The following SORCS1 variants were observed in gnomAD, a reference collection of about 807,000 sequenced individuals.
The protein encoded by SORCS1 is sortilin related VPS10 domain containing receptor 1, also known as VPS10 domain-containing receptor SorCS1.
A neutral mutation model predicts 146.1 loss-of-function variants in SORCS1; 60 were observed. The observed-to-expected ratio is 0.41, with a 90% CI of 0.33 to 0.51. The LOEUF (loss-of-function observed/expected upper bound fraction) is 0.51, where lower values mean the gene tolerates loss of function less well. Among genes scored for constraint, SORCS1 ranks in the 20% least tolerant of loss-of-function variants. SORCS1 has a pLI of 0.21. For synonymous variants in SORCS1, 637 were observed against 584.0 expected, an observed-to-expected ratio of 1.09 and a Z score of -1.31; for missense variants, 1,352 against 1,487.6, an observed-to-expected ratio of 0.91 and a Z score of 1.50.
chr10:106,991,546 T>C (rs1956771965), intron 1 of SORCS1, among the ~76,000 whole-genome samples: 1 of 152,246 alleles, frequency 6.6e-6, no homozygotes, highest in Non-Finnish European at 1.5e-5. Context: ...CTTATGCCTG[T>C]CAGCTTCACT....
chr10:106,597,111 C>G (rs572575106), intron 24 of SORCS1, among the ~76,000 whole-genome samples: 60 of 152,242 alleles, frequency 3.9e-4, no homozygotes, highest in African/African-American at 1.4e-3. Context: ...CCCAGTCTCC[C>G]AAAGTGGTGG....
rs574168038 is a variant in SORCS1, at chr10:106,832,906, C to T, written c.627-3233G>A. On this transcript the variant is annotated intron_variant, in intron 2 of 25. Transcript: ENST00000263054. ...CTATTAACTTGATCCCTGAGCTACT[C>T]GATGAAGATTTTCACATTTAAAAAA... Among the ~76,000 whole-genome samples the T allele has an allele frequency of 9.2e-5, 14 of 152,030 alleles. No individual in the cohort carries two copies. The South Asian group carries it at 2.9e-3, about 32-fold the overall frequency.
intron 19 of SORCS1, 131 bp from the exon 20 acceptor site, chr10:106,620,692 T>C: frequency 2.7e-6 from 3 of 1,117,994 alleles, no homozygotes; most frequent in South Asian, 1.9e-5. Context: ...CCAAAAGAAG[T>C]GTTCAGATGC....
chr10:107,018,440 C>A (rs1564931864), intron 1 of SORCS1, among the ~76,000 whole-genome samples: 1 of 152,032 alleles, frequency 6.6e-6, no homozygotes, highest in South Asian at 2.1e-4. Flanking sequence ...CCCGCCTTGG[C>A]CTCCCAAAGT....
intron 2 of SORCS1, among the ~76,000 whole-genome samples, chr10:106,850,032 T>C (rs374025328): frequency 6.6e-6 from 1 of 152,150 alleles, no homozygotes; most frequent in East Asian, 1.9e-4. Context: ...TTTACTGCTG[T>C]CTTTTGGTTT....
chr10:107,058,030 T>C (rs72812915), intron 1 of SORCS1, among the ~76,000 whole-genome samples: 1,602 of 152,122 alleles, frequency 0.011, 14 homozygotes, highest in South Asian at 0.028. Flanking sequence ...AAATCAACTT[T>C]TAAAAAAAAT....
At position 106,686,024 on chromosome 10, in the gene SORCS1, G is replaced by A. The variant is rs536963884; in HGVS notation, c.1560+2168C>T. Reference sequence around the variant, plus strand: ...TCTTGATTGTAGCAATGGTTATATCGGTATATACATCTGTCAAAATTCATT... The same window carrying A: ...TCTTGATTGTAGCAATGGTTATATCAGTATATACATCTGTCAAAATTCATT... On this transcript the variant is annotated intron_variant, in intron 10 of 25. Transcript: ENST00000263054. Among the ~76,000 whole-genome samples, 9 of 152,124 alleles carry A rather than the reference G, an allele frequency of 5.9e-5. No individual in the cohort carries two copies. The East Asian group carries it at 7.7e-4, about 13-fold the overall frequency.
At chr10:106,595,166 C>A (rs997402999) in intron 24 of SORCS1, among the ~76,000 whole-genome samples, 5 of 152,166 alleles carry the variant, frequency 3.3e-5, no homozygotes, top group African/African-American at 1.2e-4. Context: ...GCAGTGGCAG[C>A]CTTTTCTTCA....
intron 1 of SORCS1, among the ~76,000 whole-genome samples, chr10:107,008,269 G>C (rs1957540556): frequency 6.6e-6 from 1 of 152,130 alleles, no homozygotes; most frequent in Non-Finnish European, 1.5e-5. Context: ...TAAGGTGATA[G>C]AAGTCCAAAC....
At chr10:106,870,171 T>C (rs74335081) in intron 2 of SORCS1, among the ~76,000 whole-genome samples, 2 of 151,848 alleles carry the variant, frequency 1.3e-5, no homozygotes, top group Admixed American at 6.6e-5. Flanking sequence ...AATTACAAAA[T>C]ACTACTCAAA....
At chr10:106,648,693 G>A (rs943633796) in intron 18 of SORCS1, among the ~76,000 whole-genome samples, 1 of 152,138 alleles carries the variant, frequency 6.6e-6, no homozygotes, top group Admixed American at 6.5e-5. Context: ...GCTGGAAAGG[G>A]AAGGGAATGG....
intron 18 of SORCS1, among the ~76,000 whole-genome samples, chr10:106,641,713 TC>T (rs1243532687): frequency 6.6e-6 from 1 of 152,218 alleles, no homozygotes; most frequent in Non-Finnish European, 1.5e-5. Context: ...GTGACATGAT[TC>T]TTACCTTAAA....
intron 1 of SORCS1, among the ~76,000 whole-genome samples, chr10:107,105,251 T>C (rs1309759429): frequency 6.6e-6 from 1 of 152,100 alleles, no homozygotes; most frequent in Non-Finnish European, 1.5e-5. Context: ...GAACATGGTG[T>C]CTCAGTTAAG....
intron 1 of SORCS1, among the ~76,000 whole-genome samples, chr10:107,126,424 G>A (rs1460870019): frequency 6.6e-6 from 1 of 152,066 alleles, no homozygotes; most frequent in Non-Finnish European, 1.5e-5. Flanking sequence ...GTCTTCGATA[G>A]ACAGGTATCT....
At chr10:107,026,278 G>C (rs546244133) in intron 1 of SORCS1, among the ~76,000 whole-genome samples, 9 of 152,330 alleles carry the variant, frequency 5.9e-5, no homozygotes, top group African/African-American at 2.2e-4. Flanking sequence ...TTATTTGAAA[G>C]AGATGCCCTG....
intron 7 of SORCS1, among the ~76,000 whole-genome samples, chr10:106,707,181 T>A (rs2135814633): frequency 8.7e-6 from 1 of 114,546 alleles, no homozygotes; most frequent in African/African-American, 3.0e-5. Context: ...TCTCTTCTAT[T>A]TAATTTAATT....
chr10:106,871,587 T>C (rs1950408497), intron 2 of SORCS1, among the ~76,000 whole-genome samples: 1 of 152,186 alleles, frequency 6.6e-6, no homozygotes. Flanking sequence ...TCATGTCTTT[T>C]AGGGGAACAT....
At chr10:106,818,518 A>C (rs1243464043) in intron 3 of SORCS1, among the ~76,000 whole-genome samples, 1 of 151,998 alleles carries the variant, frequency 6.6e-6, no homozygotes, top group East Asian at 1.9e-4. Flanking sequence ...GGCACGCACC[A>C]CCAGGCCCAG....
At chr10:106,744,509 G>A (rs1181166746) in intron 5 of SORCS1, among the ~76,000 whole-genome samples, 2 of 152,176 alleles carry the variant, frequency 1.3e-5, no homozygotes, top group African/African-American at 4.8e-5. Context: ...ACTGTTATAA[G>A]AGGAGATATT....
Sources: allele counts gnomAD v4.1 joint callset (sites outside exome capture counted in the v4.1 genomes callset), GRCh38; gene constraint gnomAD v4.1.1; transcripts MANE v1.5; gene names NCBI Gene and HGNC (gene_info 2026-07-23, HGNC 2026-07-21).